The following PCDHGA11 variants were observed in gnomAD, a reference collection of about 807,000 sequenced individuals.
PCDHGA11 encodes protocadherin gamma subfamily A, 11.
A neutral mutation model predicts 60.4 loss-of-function variants in PCDHGA11; 39 were observed. That is an observed-to-expected ratio of 0.65 (90% confidence interval 0.50 to 0.84). PCDHGA11 has a LOEUF of 0.84. Among genes scored for constraint, PCDHGA11 ranks in the 40% least tolerant of loss-of-function variants. The pLI is 0.00. For missense variants in PCDHGA11, 1,165 were observed against 1,197.7 expected (o/e 0.97, Z 0.40); for synonymous variants, 533 against 510.3 (o/e 1.04, Z -0.60).
chr5:141,495,752 C>G (rs1310125902), intron 2 of PCDHGA11, among the ~76,000 whole-genome samples: 1 of 152,150 alleles, frequency 6.6e-6, no homozygotes, highest in Non-Finnish European at 1.5e-5. Flanking sequence ...TTCTCTATCT[C>G]TGCCTCCCTG....
intron 1 of PCDHGA11, chr5:141,426,943 C>T: frequency 2.2e-6 from 1 of 456,736 alleles, no homozygotes; most frequent in Non-Finnish European, 4.4e-6. Flanking sequence ...GACCCAGTCC[C>T]AACTGGCACT....
Position 141,460,747 on chromosome 5 carries a change from G to A in PCDHGA11, c.2434-34060G>A, listed in dbSNP as rs148154304. On this transcript the variant is annotated intron_variant, in intron 1 of 3. Transcript: ENST00000398587. ...GCATATATACACATTGTATATATAT[G>A]TGTACATATACATATTGCATATGTA... Among the ~76,000 whole-genome samples, 351 of 151,000 alleles carry A rather than the reference G, an allele frequency of 2.3e-3. 2 individuals are homozygous for A. The highest frequency in any genetic ancestry group is 6.8e-3 in the Middle Eastern group (2 of 294).
chr5:141,447,852 G>A (rs375081279), intron 1 of PCDHGA11, among the ~76,000 whole-genome samples: 2 of 152,144 alleles, frequency 1.3e-5, no homozygotes, highest in East Asian at 3.9e-4. Context: ...TTGGGAGGCC[G>A]AGGTGGGTGA....
At chr5:141,427,249 G>A (rs1417336994) in intron 1 of PCDHGA11, 1 of 456,742 alleles carries the variant, frequency 2.2e-6, no homozygotes, top group African/African-American at 2.0e-5. Context: ...GCTAAGGATG[G>A]TGGAGGCATG....
At chr5:141,464,916 T>C (rs1298310554) in intron 1 of PCDHGA11, among the ~76,000 whole-genome samples, 1 of 152,024 alleles carries the variant, frequency 6.6e-6, no homozygotes, top group Non-Finnish European at 1.5e-5. Flanking sequence ...TTTTTTTATT[T>C]TTTTGTAGAG....
At chr5:141,433,854 A>T (rs2097660850) in intron 1 of PCDHGA11, among the ~76,000 whole-genome samples, 1 of 151,852 alleles carries the variant, frequency 6.6e-6, no homozygotes, top group African/African-American at 2.4e-5. Context: ...AAAAAAAAAA[A>T]ACTTTATCCT....
rs200646513 is a variant in PCDHGA11, at chr5:141,421,389, G to A, written c.162G>A (p.Gly54=). The part of the protein sequence containing the change: ...SFVGNISKDL[G]LEPRELAKRG... ...TGGGCAATATCTCCAAGGACCTGGG[G>A]CTGGAGCCCCGGGAGCTGGCGAAGC... Residue 54 remains glycine (G), a synonymous_variant, in exon 1 of 4, where the codon GGG becomes GGA. Coordinates refer to ENST00000398587, the MANE Select transcript of PCDHGA11 (RefSeq NM_018914.3). The A allele has an allele frequency of 1.7e-3, 2,771 of 1,614,052 alleles. 5 individuals carry two copies. The highest frequency in any genetic ancestry group is 2.2e-3 in the Non-Finnish European group (2,560 of 1,179,918).
At chr5:141,439,126 G>A (rs2098089550) in intron 1 of PCDHGA11, among the ~76,000 whole-genome samples, 1 of 151,328 alleles carries the variant, frequency 6.6e-6, no homozygotes, top group African/African-American at 2.4e-5. Flanking sequence ...CCGGGAGACA[G>A]AGGTTGCAGT....
At chr5:141,427,970 C>G in intron 1 of PCDHGA11, 1 of 1,592,510 alleles carries the variant, frequency 6.3e-7, no homozygotes. Context: ...GGGTGCTGTA[C>G]CCCGCGCTGG....
At position 141,491,825 on chromosome 5, in the gene PCDHGA11, C is replaced by A. The variant is rs948385010; in HGVS notation, c.2434-2982C>A. ...CGGCTTGGTCGCTGGCTGCGCTCCA[C>A]CCGATTCTCGGGATCATTGGACCGT... On this transcript the variant is annotated intron_variant, in intron 1 of 3. Coordinates refer to ENST00000398587, the MANE Select transcript of PCDHGA11 (RefSeq NM_018914.3). This position sits in a 1 kb window ranked among gnomAD's most constrained non-coding sequence, Gnocchi z 6.9. 145 of 1,478,052 alleles carry A rather than the reference C, an allele frequency of 9.8e-5. No homozygotes were observed. Among genetic ancestry groups the A allele is most frequent in the Non-Finnish European group, 1.3e-4 (142 of 1,114,822 alleles). 91.6% of individuals were successfully genotyped at this position (1,478,052 alleles called of 1,614,324 possible). A position where few individuals can be genotyped will look rare whatever the true frequency, so the allele number is the denominator to read the frequency against.
chr5:141,432,800 C>T lies in PCDHGA11; in HGVS notation c.2433+9140C>T. The T allele has an allele frequency of 6.2e-7, 1 of 1,614,156 alleles. No individual in the cohort carries two copies. The highest frequency in any genetic ancestry group is 8.5e-7 in the Non-Finnish European group (1 of 1,180,008). ...GGCGGACCTCGGCAGCCTCGAGTCT[C>T]CAGCTAACTCTGAAACCTCAGACCT... On this transcript the variant is annotated intron_variant, in intron 1 of 3. Transcript: ENST00000398587. This position sits in a 1 kb window ranked among gnomAD's most constrained non-coding sequence, Gnocchi z 6.0.
In PCDHGA11 at chr5:141,441,656, CT is replaced by C. The variant is rs200391207; in HGVS notation, c.2433+17998del. 8.0e-3 allele frequency: 1,976 copies of C among 247,682 alleles called. 54 individuals carry two copies. The highest frequency in any genetic ancestry group is 0.043 in the African/African-American group (1,846 of 42,486). The allele number at this position is 247,682 out of a possible 1,614,324, so 15.3% of individuals were successfully genotyped here. A position where few individuals can be genotyped will look rare whatever the true frequency, so the allele number is the denominator to read the frequency against. On this transcript the variant is annotated intron_variant, in intron 1 of 3. Coordinates refer to ENST00000398587, the MANE Select transcript of PCDHGA11 (RefSeq NM_018914.3). ...CACAGGCGCTGTGATTCTAGGTGTC[CT>C]TGAGCGCACAGTGCGCCTTCGACCA...
Position 141,477,486 on chromosome 5 carries a change from C to A in PCDHGA11, c.2434-17321C>A. On this transcript the variant is annotated intron_variant, in intron 1 of 3. Coordinates refer to ENST00000398587, the MANE Select transcript of PCDHGA11 (RefSeq NM_018914.3). This position sits in a 1 kb window ranked among gnomAD's most constrained non-coding sequence, Gnocchi z 4.9. ...GACATCAATGACAACCCTCCACAAT[C>A]TTCTCAATCTTCCTACGACGTTTAC... is the stretch of plus-strand genomic sequence containing the variant. The A allele has an allele frequency of 6.2e-7, 1 of 1,614,170 alleles. No homozygotes were observed. The highest frequency in any genetic ancestry group is 8.5e-7 in the Non-Finnish European group (1 of 1,180,040).
Position 141,476,351 on chromosome 5 carries a change from G to C in PCDHGA11, c.2434-18456G>C. On this transcript the variant is annotated intron_variant, in intron 1 of 3. Transcript: ENST00000398587. This position sits in a 1 kb window ranked among gnomAD's most constrained non-coding sequence, Gnocchi z 7.6. ...TGGAGCTAGCCGAAGATTCTTTGAG[G>C]TGAACCGGGAGACCGGAGAGATGTT... 3 of 1,614,182 alleles carry C rather than the reference G, an allele frequency of 1.9e-6. No homozygotes were observed. Among genetic ancestry groups the C allele is most frequent in the Non-Finnish European group, 2.5e-6 (3 of 1,180,046 alleles).
intron 1 of PCDHGA11, among the ~76,000 whole-genome samples, chr5:141,470,451 T>C (rs2099230860): frequency 6.6e-6 from 1 of 152,210 alleles, no homozygotes; most frequent in Non-Finnish European, 1.5e-5. Context: ...AATAGCATCT[T>C]GAATAGGATT....
At chr5:141,428,197 G>C in intron 1 of PCDHGA11, 3 of 1,385,972 alleles carry the variant, frequency 2.2e-6, no homozygotes, top group Non-Finnish European at 3.0e-6. Flanking sequence ...CGCTCTCTGC[G>C]CCGCTACGCT....
chr5:141,498,726 G>T (rs2099785379), intron 2 of PCDHGA11, among the ~76,000 whole-genome samples: 1 of 152,172 alleles, frequency 6.6e-6, no homozygotes, highest in Admixed American at 6.5e-5. Context: ...GAGGTCAGGA[G>T]TTTGAGACCA....
chr5:141,476,317 G>C lies in PCDHGA11; in HGVS notation c.2434-18490G>C, dbSNP rs759809060. The C allele has an allele frequency of 1.2e-6, 2 of 1,614,052 alleles. No homozygotes were observed. The highest frequency in any genetic ancestry group is 2.7e-5 in the African/African-American group (2 of 74,922). ...GTAGCCTCTCAGCCCGCAGGTTCCGGGTGGTGTCTGGAGCTAGCCGAAGAT... is the reference window on the plus strand; with the variant it reads ...GTAGCCTCTCAGCCCGCAGGTTCCGCGTGGTGTCTGGAGCTAGCCGAAGAT... On this transcript the variant is annotated intron_variant, in intron 1 of 3. Coordinates refer to ENST00000398587, the MANE Select transcript of PCDHGA11 (RefSeq NM_018914.3). The surrounding 1 kb of genome is among the most constrained non-coding windows in gnomAD (Gnocchi z 7.6).
chr5:141,446,043 A>T (rs1374577548), intron 1 of PCDHGA11, among the ~76,000 whole-genome samples: 2 of 152,226 alleles, frequency 1.3e-5, no homozygotes, highest in Non-Finnish European at 2.9e-5. Flanking sequence ...AAATGGAAGA[A>T]GAGCTGGCTT....
Sources: allele counts gnomAD v4.1 joint callset (sites outside exome capture counted in the v4.1 genomes callset), GRCh38; gene constraint gnomAD v4.1.1; non-coding constraint Gnocchi (gnomAD v3.1); transcripts MANE v1.5; gene names NCBI Gene and HGNC (gene_info 2026-07-23, HGNC 2026-07-21).